ABCA13: variants seen among roughly 807,000 people sequenced by gnomAD.
The protein encoded by ABCA13 is ATP-binding cassette sub-family A member 13.
A neutral mutation model predicts 478.7 loss-of-function variants in ABCA13; 476 were observed. That is an observed-to-expected ratio of 0.99 (90% CI 0.92 to 1.07). The LOEUF (loss-of-function observed/expected upper bound fraction) is 1.07. ABCA13 is among the 50% of genes least tolerant of loss of function. The probability of loss-of-function intolerance (pLI) is 0.00; values close to 1 mark genes in which losing one functional copy is unlikely to be tolerated. For synonymous variants in ABCA13, 2,252 were observed against 2,158.9 expected, an observed-to-expected ratio of 1.04 and a Z score of -1.20; for missense variants, 6,060 against 5,910.6, an observed-to-expected ratio of 1.03 and a Z score of -0.83.
intron 45 of ABCA13, 54 bp from the exon 46 acceptor site, chr7:48,480,982 C>A: frequency 8.7e-7 from 1 of 1,147,968 alleles, no homozygotes; most frequent in Non-Finnish European, 1.3e-6. Context: ...TGTCAGTGAA[C>A]CAGTTTGTGA....
intron 42 of ABCA13, among the ~76,000 whole-genome samples, chr7:48,432,838 G>A (rs544289666): frequency 1.3e-5 from 2 of 152,138 alleles, no homozygotes; most frequent in Admixed American, 6.5e-5. Flanking sequence ...GTGAGGAGAT[G>A]TTGGTAAATG....
At chr7:48,478,589 A>C (rs1351444991) in intron 45 of ABCA13, among the ~76,000 whole-genome samples, 4 of 152,168 alleles carry the variant, frequency 2.6e-5, no homozygotes, top group African/African-American at 9.7e-5. Flanking sequence ...GATCCTGGCA[A>C]ATCAGGTTAT....
chr7:48,175,364 T>A (rs1794699281), intron 1 of ABCA13, among the ~76,000 whole-genome samples: 1 of 152,170 alleles, frequency 6.6e-6, no homozygotes, highest in Admixed American at 6.5e-5. Context: ...TGTTTATTAT[T>A]TCTTTGTGTT....
rs1303787097 is a variant in ABCA13, at chr7:48,279,760, A to G, written c.8566A>G (p.Thr2856Ala). Residue 2856 changes from threonine to alanine, a missense_variant, in exon 18 of 62, where the codon ACC becomes GCC. This residue lies in a region of ABCA13 where 4,423 missense variants were observed against 4,309.1 expected (regional missense o/e 1.03). Transcript: ENST00000435803. ...ACTTTTTGAGATTTTCATTAAAGCA[A>G]CCACCGGAAAGAATGTCACATCAGA... ...QPLFEIFIKA[T>A]TGKNVTSEKE... is the part of the protein sequence containing the mutation. The G allele has an allele frequency of 3.1e-6, 5 of 1,611,886 alleles. No homozygotes were observed. Among genetic ancestry groups the G allele is most frequent in the Non-Finnish European group, 3.4e-6 (4 of 1,179,382 alleles).
In ABCA13 at chr7:48,273,154, A is replaced by G; in HGVS notation, c.3488A>G (p.Gln1163Arg). ...MWTEIWETIS[Q>R]LFKFDMNVFT... The stretch of plus-strand genomic sequence containing the variant: ...ACTGAAATCTGGGAAACCATATCTC[A>G]ATTATTTAAGTTTGACATGAATGTT... Residue 1163 changes from glutamine (Q) to arginine (R), a missense_variant, in exon 17 of 62, where the codon CAA becomes CGA. Transcript: ENST00000435803. 1 of 1,613,628 alleles carries G rather than the reference A, an allele frequency of 6.2e-7. No individual in the cohort carries two copies. Among genetic ancestry groups the G allele is most frequent in the Non-Finnish European group, 8.5e-7 (1 of 1,179,706 alleles).
chr7:48,443,770 C>T (rs1193905370), intron 42 of ABCA13, among the ~76,000 whole-genome samples: 1 of 152,148 alleles, frequency 6.6e-6, no homozygotes, highest in Non-Finnish European at 1.5e-5. Flanking sequence ...GGTTCCTCCT[C>T]CTCCCACTCC....
At position 48,192,958 on chromosome 7, in the gene ABCA13, G is replaced by A; in HGVS notation, c.70-1G>A. ...ATTTTTTTTTTTTTTTAATTTTCTA[G>A]GTCCTTTTCCTTGCTGAATTCTTCT... On this transcript the variant is annotated splice_acceptor_variant, in intron 1 of 61. Coordinates refer to ENST00000435803, the MANE Select transcript of ABCA13 (RefSeq NM_152701.5). LOFTEE classifies it high-confidence loss of function. 1 of 1,498,262 alleles carries A rather than the reference G, an allele frequency of 6.7e-7. No individual in the cohort carries two copies. Among genetic ancestry groups the A allele is most frequent in the Non-Finnish European group, 8.8e-7 (1 of 1,132,432 alleles). The allele number at this position is 1,498,262 out of a possible 1,614,324, so 92.8% of individuals were successfully genotyped here. A position where few individuals can be genotyped will look rare whatever the true frequency, so the allele number is the denominator to read the frequency against.
intron 55 of ABCA13, among the ~76,000 whole-genome samples, chr7:48,560,787 C>A (rs1053196311): frequency 6.6e-6 from 1 of 152,152 alleles, no homozygotes; most frequent in Non-Finnish European, 1.5e-5. Flanking sequence ...TGCAATAGAT[C>A]TCAAAATAAA....
intron 17 of ABCA13, 135 bp downstream of exon 17, chr7:48,276,700 TTAA>T (rs1398691473): frequency 1.4e-6 from 1 of 701,712 alleles, no homozygotes; most frequent in Admixed American, 3.1e-5. Flanking sequence ...TAAATTTGTC[TTAA>T]TAAATATTTT....
At chr7:48,300,892 A>G (rs1800054398) in intron 23 of ABCA13, among the ~76,000 whole-genome samples, 1 of 152,132 alleles carries the variant, frequency 6.6e-6, no homozygotes, top group South Asian at 2.1e-4. Flanking sequence ...CATCCACTTC[A>G]TGCTGTGTTC....
At chr7:48,381,205 C>T (rs1046378266) in intron 35 of ABCA13, among the ~76,000 whole-genome samples, 9 of 152,038 alleles carry the variant, frequency 5.9e-5, no homozygotes, top group African/African-American at 1.9e-4. Flanking sequence ...TGACAGTTAT[C>T]TCCTGATTTG....
intron 24 of ABCA13, among the ~76,000 whole-genome samples, chr7:48,310,763 G>A (rs1373010025): frequency 6.6e-6 from 1 of 152,176 alleles, no homozygotes; most frequent in Non-Finnish European, 1.5e-5. Context: ...GAAGTCTGCA[G>A]GAGAGAGTGG....
At position 48,274,137 on chromosome 7, in the gene ABCA13, G is replaced by A; in HGVS notation, c.4471G>A (p.Ala1491Thr). The A allele has an allele frequency of 6.2e-7, 1 of 1,607,444 alleles. No individual in the cohort carries two copies. The highest frequency in any genetic ancestry group is 8.5e-7 in the Non-Finnish European group (1 of 1,176,496). Residue 1491 changes from alanine to threonine, a missense_variant, in exon 17 of 62, where the codon GCT becomes ACT. Ala to Thr is a moderately conservative substitution (Grantham distance 58). This residue lies in a region of ABCA13 where 4,423 missense variants were observed against 4,309.1 expected (regional missense o/e 1.03). Transcript: ENST00000435803. ...EKKPKFEILL[A>T]LLNDSTKQVR... ...GAAACCTAAATTTGAGATTTTATTAGCTCTTTTAAATGATTCCACAAAGCA... is the reference window on the plus strand; with the variant it reads ...GAAACCTAAATTTGAGATTTTATTAACTCTTTTAAATGATTCCACAAAGCA...
Position 48,392,277 on chromosome 7 carries a change from A to C in ABCA13, c.11873+138A>C, listed in dbSNP as rs1358291429. 3.6e-6 allele frequency: 3 copies of C among 835,894 alleles called. No homozygotes were observed. In the African/African-American group the frequency reaches 5.1e-5, roughly 14 times the overall value. 51.8% of individuals were successfully genotyped at this position (835,894 alleles called of 1,614,324 possible). ...AATAATTAGCAAATGGTTGTTAACT[A>C]TGGAATTATGACACAGCCACCAACA... On this transcript the variant is annotated intron_variant, in intron 38 of 61. Coordinates refer to ENST00000435803, the MANE Select transcript of ABCA13 (RefSeq NM_152701.5).
intron 5 of ABCA13, among the ~76,000 whole-genome samples, chr7:48,226,640 G>A (rs893122208): frequency 1.3e-5 from 2 of 152,200 alleles, no homozygotes; most frequent in African/African-American, 4.8e-5. Context: ...TTACTGGGAT[G>A]TCATGGAGCA....
intron 52 of ABCA13, among the ~76,000 whole-genome samples, chr7:48,518,237 C>T (rs1352005466): frequency 6.6e-6 from 1 of 152,190 alleles, no homozygotes; most frequent in Non-Finnish European, 1.5e-5. Context: ...CCTCCCTCAT[C>T]GGATCTCTAG....
chr7:48,250,401 G>A (rs1792364956), intron 15 of ABCA13, among the ~76,000 whole-genome samples: 1 of 152,170 alleles, frequency 6.6e-6, no homozygotes, highest in Non-Finnish European at 1.5e-5. Context: ...GGAATGGGAG[G>A]AGGGAGAACC....
chr7:48,642,446 C>T (rs1795161315), intron 59 of ABCA13, among the ~76,000 whole-genome samples: 1 of 152,102 alleles, frequency 6.6e-6, no homozygotes, highest in African/African-American at 2.4e-5. Flanking sequence ...TAATATTTAC[C>T]AGTGCTAGGT....
chr7:48,622,230 C>T (rs1793207026), intron 59 of ABCA13, among the ~76,000 whole-genome samples: 1 of 152,140 alleles, frequency 6.6e-6, no homozygotes. Flanking sequence ...GTGGCATTAC[C>T]AAAACACACC....
Sources: gnomAD v4.1 joint callset for allele counts (sites outside exome capture counted in the v4.1 genomes callset) on GRCh38, gnomAD v4.1.1 for gene constraint, gnomAD v4.1.1 regional missense constraint, MANE v1.5 for transcripts, NCBI Gene and HGNC (gene_info 2026-07-23, HGNC 2026-07-21) for gene names.